Variants in DRD3 observed in about 807,000 individuals in gnomAD.
DRD3 encodes D(3) dopamine receptor.
In DRD3, 19 loss-of-function variants were observed where a neutral mutation model predicts 36.3. The observed-to-expected ratio is 0.52, with a 90% CI of 0.36 to 0.77. DRD3 has a LOEUF of 0.77. Among genes scored for constraint, DRD3 ranks in the 30% least tolerant of loss-of-function variants. The probability of loss-of-function intolerance (pLI) is 0.00; values close to 1 mark genes in which losing one functional copy is unlikely to be tolerated. For synonymous variants in DRD3, 195 were observed against 203.7 expected (o/e 0.96, Z 0.36); for missense variants, 465 against 505.3 (o/e 0.92, Z 0.77).
At chr3:114,132,880 C>T (rs1252064113) in intron 5 of DRD3, among the ~76,000 whole-genome samples, 1 of 152,048 alleles carries the variant, frequency 6.6e-6, no homozygotes, top group Non-Finnish European at 1.5e-5. Flanking sequence ...AAATAATTTA[C>T]AAGACAATTG....
At chr3:114,160,833 G>T (rs1373049139) in intron 2 of DRD3, among the ~76,000 whole-genome samples, 3 of 151,204 alleles carry the variant, frequency 2.0e-5, no homozygotes, top group Non-Finnish European at 4.4e-5. Flanking sequence ...GGGGAAAAGG[G>T]CTGGATTCTC....
intron 5 of DRD3, among the ~76,000 whole-genome samples, chr3:114,132,298 A>T (rs570844663): frequency 6.6e-6 from 1 of 152,288 alleles, no homozygotes; most frequent in South Asian, 2.1e-4. Flanking sequence ...CAGCAAACTA[A>T]CATAGGAAGA....
At chr3:114,168,769 G>A (rs2077811051) in intron 2 of DRD3, among the ~76,000 whole-genome samples, 1 of 152,174 alleles carries the variant, frequency 6.6e-6, no homozygotes, top group South Asian at 2.1e-4. Context: ...CTGGTTATTT[G>A]AAAAACATTA....
Position 114,131,256 on chromosome 3 carries a change from T to C in DRD3, c.868A>G (p.Ile290Val), listed in dbSNP as rs1233164359. 2 of 1,614,210 alleles carry C rather than the reference T, an allele frequency of 1.2e-6. No individual in the cohort carries two copies. The highest frequency in any genetic ancestry group is 2.2e-5 in the East Asian group (1 of 44,888). Residue 290 changes from isoleucine to valine, a missense_variant, in exon 6 of 7, where the codon ATA becomes GTA. Coordinates refer to ENST00000383673, the MANE Select transcript of DRD3 (RefSeq NM_000796.6). The stretch of plus-strand genomic sequence containing the variant: ...ACTTCTAAGCTGAGCTTGGGCGCTA[T>C]GGTGGGACTCAGGGAATTCCGAGTC... The part of the protein sequence containing the change: ...EKTRNSLSPT[I>V]APKLSLEVRK...
At chr3:114,132,568 T>TAA (rs11299557) in intron 5 of DRD3, among the ~76,000 whole-genome samples, 5 of 137,596 alleles carry the variant, frequency 3.6e-5, no homozygotes, top group African/African-American at 8.2e-5. Flanking sequence ...GAACTTAAAG[T>TAA]AAAAAAAAAA....
chr3:114,167,828 G>A (rs548509624), intron 2 of DRD3, among the ~76,000 whole-genome samples: 2 of 152,316 alleles, frequency 1.3e-5, no homozygotes, highest in East Asian at 3.9e-4. Flanking sequence ...TGTGCCACAA[G>A]CCAGTCCAAT....
At chr3:114,173,576 T>TTCTA (rs1281808001) in intron 1 of DRD3, among the ~76,000 whole-genome samples, 1 of 152,124 alleles carries the variant, frequency 6.6e-6, no homozygotes, top group Non-Finnish European at 1.5e-5. Context: ...GACAAATAGA[T>TTCTA]TCTATGTAGC....
Position 114,171,972 on chromosome 3 carries a change from C to T in DRD3, c.21G>A (p.Leu7=). Residue 7 remains leucine, a synonymous_variant, in exon 2 of 7, where the codon CTG becomes CTA. Transcript: ENST00000383673. MASLSQ[L]SGHLNYTCGA... ...CACAGGTGTAGTTCAGGTGGCCACT[C>T]AGCTGGCTCAGAGATGCCATAGCCC... The T allele has an allele frequency of 1.3e-6, 2 of 1,488,076 alleles. No individual in the cohort carries two copies. The highest frequency in any genetic ancestry group is 1.4e-5 in the African/African-American group (1 of 71,252). 92.2% of individuals were successfully genotyped at this position (1,488,076 alleles called of 1,614,324 possible). A position where few individuals can be genotyped will look rare whatever the true frequency, so the allele number is the denominator to read the frequency against.
intron 3 of DRD3, among the ~76,000 whole-genome samples, chr3:114,153,761 C>A (rs896454517): frequency 6.6e-6 from 1 of 152,168 alleles, no homozygotes. Context: ...TGAATCCTTA[C>A]TCTTGCACCA....
At chr3:114,156,773 TTC>T (rs1206520681) in intron 3 of DRD3, among the ~76,000 whole-genome samples, 35 of 126,940 alleles carry the variant, frequency 2.8e-4, no homozygotes, top group Middle Eastern at 3.9e-3. Flanking sequence ...CTTTCTTTCT[TTC>T]TTTCTTTCTT....
At chr3:114,183,778 T>C (rs895460960), upstream of DRD3, among the ~76,000 whole-genome samples, 1 of 152,110 alleles carries the variant, frequency 6.6e-6, no homozygotes, top group African/African-American at 2.4e-5. Flanking sequence ...TGAATATCCT[T>C]TTCCATCTTT....
intron 1 of DRD3, among the ~76,000 whole-genome samples, chr3:114,190,415 T>C (rs1163010296): frequency 0.013 from 44 of 3,422 alleles, no homozygotes; most frequent in Non-Finnish European, 0.026. Context: ...AAGGATAATA[T>C]ATATATATAT....
rs2077396308 is a variant in DRD3 at position 114,128,435 on chromosome 3, T to G, written c.*281A>C. The stretch of plus-strand genomic sequence containing the variant: ...ATGAATCATGCCTCTGATGACAATT[T>G]TGTGTGAGTCATGTTTTATCAGCTT... On this transcript the variant is annotated 3_prime_UTR_variant, in exon 7 of 7. Coordinates refer to ENST00000383673, the MANE Select transcript of DRD3 (RefSeq NM_000796.6). Among the ~76,000 whole-genome samples the G allele has an allele frequency of 6.6e-6, 1 of 152,210 alleles. No individual in the cohort carries two copies. Among genetic ancestry groups the G allele is most frequent in the South Asian group, 2.1e-4 (1 of 4,834 alleles).
chr3:114,155,619 C>T (rs984007742), intron 3 of DRD3, among the ~76,000 whole-genome samples: 1 of 152,136 alleles, frequency 6.6e-6, no homozygotes, highest in Non-Finnish European at 1.5e-5. Context: ...CCTCTTCTGG[C>T]CAACTCTAGG....
chr3:114,171,903 G>A lies in DRD3; in HGVS notation c.90C>T (p.Ala30=), dbSNP rs768909028. 6.2e-7 allele frequency: 1 copy of A among 1,610,588 alleles called. No individual in the cohort carries two copies. The highest frequency in any genetic ancestry group is 1.1e-5 in the South Asian group (1 of 90,444). ...GCGCGCAGTAGGAGAGGGCATAGTA[G>A]GCATGTGGGCGGGCCTGGCTGGCAC... ...STGASQARPH[A]YYALSYCALI... is the part of the protein sequence containing the mutation. The change falls in exon 2 of 7, where the codon GCC becomes GCT. Residue 30 remains alanine, a synonymous_variant. Transcript: ENST00000383673.
At chr3:114,186,061 G>A (rs1015069915) in intron 1 of DRD3, among the ~76,000 whole-genome samples, 19 of 152,264 alleles carry the variant, frequency 1.2e-4, no homozygotes, top group African/African-American at 1.7e-4. Flanking sequence ...TCAGCCTGAC[G>A]TGCAAATTTA....
intron 1 of DRD3, among the ~76,000 whole-genome samples, chr3:114,173,729 A>G (rs925503234): frequency 3.3e-5 from 5 of 152,188 alleles, no homozygotes; most frequent in Admixed American, 2.0e-4. Context: ...TGTTGTTACG[A>G]AGGTGTATTT....
Position 114,135,497 on chromosome 3 carries a change from G to A in DRD3, c.723+4003C>T, listed in dbSNP as rs199732018. ...ATTACAGGCGTGAGCCACCGCGCCCGGCCGATATTTGTCTTACTATGTCTG... is the reference window on the plus strand; with the variant it reads ...ATTACAGGCGTGAGCCACCGCGCCCAGCCGATATTTGTCTTACTATGTCTG... On this transcript the variant is annotated intron_variant, in intron 5 of 6. Transcript: ENST00000383673. Among the ~76,000 whole-genome samples the A allele has an allele frequency of 4.4e-3, 2 of 456 alleles. 1 individual carries two copies. The highest frequency in any genetic ancestry group is 4.5e-3 in the African/African-American group (2 of 446). The allele number at this position is 456 out of a possible 152,430, so 0.3% of individuals were successfully genotyped here.
At chr3:114,149,687 G>C (rs557154647) in intron 3 of DRD3, among the ~76,000 whole-genome samples, 1 of 152,332 alleles carries the variant, frequency 6.6e-6, no homozygotes, top group Non-Finnish European at 1.5e-5. Context: ...GCCCTTAAAG[G>C]GGACTGAGAA....
Sources: allele counts gnomAD v4.1 joint callset (sites outside exome capture counted in the v4.1 genomes callset), GRCh38; gene constraint gnomAD v4.1.1; transcripts MANE v1.5; gene names NCBI Gene and HGNC (gene_info 2026-07-23, HGNC 2026-07-21).